Variants in CARM1 observed in about 807,000 individuals in gnomAD.
The protein encoded by CARM1 is histone-arginine methyltransferase CARM1.
CARM1 carries 14 observed loss-of-function variants against 72.7 expected under a neutral mutation model. The observed-to-expected ratio is 0.19, with a 90% CI of 0.13 to 0.30. The LOEUF is 0.30. Ranked by LOEUF, CARM1 falls within the 10% of genes least tolerant of loss-of-function variation. CARM1 has a pLI of 1.00. For missense variants in CARM1, 432 were observed against 833.7 expected (o/e 0.52, Z 5.93); for synonymous variants, 333 against 345.5 (o/e 0.96, Z 0.40).
intron 1 of CARM1, among the ~76,000 whole-genome samples, chr19:10,890,786 TATATA>T (rs2073980678): frequency 1.0e-5 from 1 of 98,876 alleles, no homozygotes; most frequent in African/African-American, 4.8e-5. Flanking sequence ...TATATATATA[TATATA>T]TATATTTTTT....
At chr19:10,874,607 G>A (rs527306782) in intron 1 of CARM1, among the ~76,000 whole-genome samples, 21 of 152,142 alleles carry the variant, frequency 1.4e-4, no homozygotes, top group Middle Eastern at 3.4e-3. Flanking sequence ...GGCCAGGCTG[G>A]TCTCAAACTC....
chr19:10,908,015 G>A (rs751315031), intron 2 of CARM1, 24 bp from the exon 3 acceptor site: 18 of 1,536,786 alleles, frequency 1.2e-5, no homozygotes, highest in Non-Finnish European at 1.4e-5. Flanking sequence ...ACCGCCCCCC[G>A]GTGACTTGGC....
rs970605427 is a variant in CARM1 at position 10,922,229 on chromosome 19, A to G, written c.*472A>G. ...ATTTTATTTTTTTATGAAAAGAACC[A>G]GTGTCAATCCGCAGACCCTCTGTGA... On this transcript the variant is annotated 3_prime_UTR_variant, in exon 16 of 16. Coordinates refer to ENST00000327064, the MANE Select transcript of CARM1 (RefSeq NM_199141.2). 2.6e-5 allele frequency: 4 copies of G among 152,788 alleles called. No individual in the cohort carries two copies. The highest frequency in any genetic ancestry group is 9.7e-5 in the African/African-American group (4 of 41,410). 9.5% of individuals were successfully genotyped at this position (152,788 alleles called of 1,614,324 possible).
chr19:10,899,298 C>A (rs73009547), intron 1 of CARM1, among the ~76,000 whole-genome samples: 1,858 of 152,312 alleles, frequency 0.012, 22 homozygotes, highest in Non-Finnish European at 0.019. Flanking sequence ...GAGAGGGACG[C>A]CTCAGGCAAC....
rs551483670 is a variant in CARM1, at chr19:10,893,279, C to T, written c.221-11672C>T. 1.4e-4 allele frequency among the ~76,000 whole-genome samples: 22 copies of T among 152,250 alleles called. No homozygotes were observed. The South Asian group carries it at 1.7e-3, about 11-fold the overall frequency. On this transcript the variant is annotated intron_variant, in intron 1 of 15. Coordinates refer to ENST00000327064, the MANE Select transcript of CARM1 (RefSeq NM_199141.2). ...CTCGAGCTCCTGACCTCACATGATC[C>T]ACCTGCTTCGGCCTCCCATAGTGCT...
chr19:10,921,593 A>G, intron 15 of CARM1, 22 bp from the exon 16 acceptor site: 5 of 1,598,542 alleles, frequency 3.1e-6, no homozygotes, highest in Non-Finnish European at 4.3e-6. Context: ...GCAGCCCCTC[A>G]CTGCCATTGC....
rs536748740 is a variant in CARM1 at position 10,902,298 on chromosome 19, T to C, written c.221-2653T>C. ...CAAAATAATTGTTGTTTCTTTTTTT[T>C]TTTTTTTTTTTTTGAGACGGAGTCT... On this transcript the variant is annotated intron_variant, in intron 1 of 15. Coordinates refer to ENST00000327064, the MANE Select transcript of CARM1 (RefSeq NM_199141.2). 1.8e-3 allele frequency among the ~76,000 whole-genome samples: 261 copies of C among 147,406 alleles called. 1 individual carries two copies. The highest frequency in any genetic ancestry group is 4.3e-3 in the Admixed American group (64 of 14,856).
At position 10,920,820 on chromosome 19, in the gene CARM1, T is replaced by C; in HGVS notation, c.1425-14T>C. 6.2e-7 allele frequency: 1 copy of C among 1,614,010 alleles called. No individual in the cohort carries two copies. The highest frequency in any genetic ancestry group is 8.5e-7 in the Non-Finnish European group (1 of 1,179,842). ...ACCCCCTTGCCCCTGCCCATGGCTCTGTCTCTGCCATAGATACACGGGCAC... is the reference window on the plus strand; with the variant it reads ...ACCCCCTTGCCCCTGCCCATGGCTCCGTCTCTGCCATAGATACACGGGCAC... On this transcript the variant is annotated splice_polypyrimidine_tract_variant and intron_variant, in intron 12 of 15. Coordinates refer to ENST00000327064, the MANE Select transcript of CARM1 (RefSeq NM_199141.2). This position sits in a 1 kb window ranked among gnomAD's most constrained non-coding sequence, Gnocchi z 5.3.
intron 1 of CARM1, among the ~76,000 whole-genome samples, chr19:10,881,946 A>C (rs1035848680): frequency 6.6e-6 from 1 of 151,782 alleles, no homozygotes; most frequent in African/African-American, 2.4e-5. Flanking sequence ...CTAAATCAGC[A>C]ATCACTTAAA....
intron 1 of CARM1, among the ~76,000 whole-genome samples, chr19:10,904,401 T>C (rs2074087898): frequency 6.6e-6 from 1 of 152,230 alleles, no homozygotes; most frequent in African/African-American, 2.4e-5. Context: ...ACAGCTATCA[T>C]GATGGGTACA....
Position 10,923,023 on chromosome 19 carries a change from A to G in CARM1, c.*1266A>G. 1 of 362,612 alleles carries G rather than the reference A, an allele frequency of 2.8e-6. No individual in the cohort carries two copies. The highest frequency in any genetic ancestry group is 4.9e-6 in the Non-Finnish European group (1 of 202,878). The allele number at this position is 362,612 out of a possible 1,614,324, so 22.5% of individuals were successfully genotyped here. A position where few individuals can be genotyped will look rare whatever the true frequency, so the allele number is the denominator to read the frequency against. On this transcript the variant is annotated 3_prime_UTR_variant, in exon 16 of 16. Transcript: ENST00000327064. ...CTGCCCCTCGCCCGCCTTTATATAA[A>G]TTCTCTGAATCACCTTTGCATAGAA...
At chr19:10,910,627 A>G (rs1281405407) in intron 4 of CARM1, among the ~76,000 whole-genome samples, 1 of 149,342 alleles carries the variant, frequency 6.7e-6, no homozygotes, top group Non-Finnish European at 1.5e-5. Context: ...GTGCAGTGAC[A>G]CAATCTCGGC....
chr19:10,920,862 C>T lies in CARM1; in HGVS notation c.1453C>T (p.Pro485Ser). 6.2e-7 allele frequency: 1 copy of T among 1,614,230 alleles called. No homozygotes were observed. The highest frequency in any genetic ancestry group is 8.5e-7 in the Non-Finnish European group (1 of 1,180,026). ...CACGGGCACAACGCCCTCACCCCCACCCGGCTCCCACTACACATCTCCCTC... is the reference window on the plus strand; with the variant it reads ...CACGGGCACAACGCCCTCACCCCCATCCGGCTCCCACTACACATCTCCCTC... ...RYTGTTPSPPPGSHYTSPSEN... is the reference protein window; with the variant it reads ...RYTGTTPSPPSGSHYTSPSEN... Residue 485 changes from proline to serine, a missense_variant, in exon 13 of 16, where the codon CCC (proline) becomes TCC (serine). Coordinates refer to ENST00000327064, the MANE Select transcript of CARM1 (RefSeq NM_199141.2). This position sits in a 1 kb window ranked among gnomAD's most constrained non-coding sequence, Gnocchi z 5.3.
chr19:10,890,793 ATATTT>A (rs1197631139), intron 1 of CARM1, among the ~76,000 whole-genome samples: 1 of 83,810 alleles, frequency 1.2e-5, no homozygotes, highest in African/African-American at 6.1e-5. Context: ...ATATATATAT[ATATTT>A]TTTTTTTTTT....
chr19:10,904,255 A>G (rs1367719248), intron 1 of CARM1, among the ~76,000 whole-genome samples: 12 of 152,226 alleles, frequency 7.9e-5, no homozygotes, highest in Admixed American at 6.5e-4. Context: ...AATACTACAG[A>G]TGATGCACCT....
At chr19:10,879,845 C>T (rs1216090838) in intron 1 of CARM1, among the ~76,000 whole-genome samples, 2 of 152,150 alleles carry the variant, frequency 1.3e-5, no homozygotes, top group African/African-American at 4.8e-5. Flanking sequence ...GAACTCCTGA[C>T]CTCAAGTGAT....
intron 1 of CARM1, among the ~76,000 whole-genome samples, chr19:10,880,756 G>C (rs932346026): frequency 6.6e-6 from 1 of 152,180 alleles, no homozygotes; most frequent in African/African-American, 2.4e-5. Context: ...AAAAGGACAA[G>C]AATCGGTAGC....
In CARM1 at chr19:10,923,060, T is replaced by G. The variant is rs1462085386; in HGVS notation, c.*1303T>G. 7 of 498,560 alleles carry G rather than the reference T, an allele frequency of 1.4e-5. No homozygotes were observed. The highest frequency in any genetic ancestry group is 2.5e-5 in the Non-Finnish European group (7 of 285,690). The allele number at this position is 498,560 out of a possible 1,614,324, so 30.9% of individuals were successfully genotyped here. ...ACCTTTGCATAGAAAATAAAAGTGTTTGCTTTGTAAGAAAAGTCTGGAAAG... is the reference window on the plus strand; with the variant it reads ...ACCTTTGCATAGAAAATAAAAGTGTGTGCTTTGTAAGAAAAGTCTGGAAAG... On this transcript the variant is annotated 3_prime_UTR_variant, in exon 16 of 16. Transcript: ENST00000327064.
chr19:10,913,243 C>T lies in CARM1; in HGVS notation c.670-634C>T, dbSNP rs373301229. The stretch of plus-strand genomic sequence containing the variant: ...TCTCAGGCTCCTGAATAGCTGGGAT[C>T]CACCACTGCAACTGGCTAATTTTTG... On this transcript the variant is annotated intron_variant, in intron 5 of 15. Transcript: ENST00000327064. Among the ~76,000 whole-genome samples, 12 of 152,094 alleles carry T rather than the reference C, an allele frequency of 7.9e-5. No homozygotes were observed. The East Asian group carries it at 1.2e-3, about 15-fold the overall frequency.
Sources: allele counts gnomAD v4.1 joint callset (sites outside exome capture counted in the v4.1 genomes callset), GRCh38; gene constraint gnomAD v4.1.1; non-coding constraint Gnocchi (gnomAD v3.1); transcripts MANE v1.5; gene names NCBI Gene and HGNC (gene_info 2026-07-23, HGNC 2026-07-21).